Variants in SMAD1 observed in about 807,000 individuals in gnomAD.
SMAD1 encodes the protein SMAD family member 1.
SMAD1 carries 6 observed loss-of-function variants against 41.6 expected under a neutral mutation model. The ratio of observed to expected loss-of-function variants is 0.14; its 90% CI spans 0.08 to 0.28. SMAD1 has a LOEUF of 0.28. SMAD1 is among the 10% of genes least tolerant of loss of function. The pLI is 1.00. For missense variants in SMAD1, 379 were observed against 582.6 expected (o/e 0.65, Z 3.60); for synonymous variants, 206 against 203.2 (o/e 1.01, Z -0.12).
At chr4:145,501,964 G>A (rs990878476) in intron 1 of SMAD1, among the ~76,000 whole-genome samples, 14 of 152,194 alleles carry the variant, frequency 9.2e-5, no homozygotes, top group Middle Eastern at 3.4e-3. Flanking sequence ...AAACAATTTC[G>A]TTTATTAGCT....
At chr4:145,548,350 T>A (rs941028582) in intron 5 of SMAD1, among the ~76,000 whole-genome samples, 9 of 152,072 alleles carry the variant, frequency 5.9e-5, no homozygotes, top group Admixed American at 1.3e-4. Context: ...TGCCTCAGCC[T>A]CCTCAGTAGC....
chr4:145,509,631 C>T (rs1560735590), intron 1 of SMAD1, among the ~76,000 whole-genome samples: 1 of 152,078 alleles, frequency 6.6e-6, no homozygotes, highest in Non-Finnish European at 1.5e-5. Flanking sequence ...GAAATACACT[C>T]CCTCTATAAA....
chr4:145,541,048 G>A (rs866548972), intron 3 of SMAD1, among the ~76,000 whole-genome samples: 11 of 152,058 alleles, frequency 7.2e-5, no homozygotes, highest in African/African-American at 2.7e-4. Context: ...TTGGGATGAG[G>A]GTTGGGAGAC....
At chr4:145,554,414 G>GT (rs1188501317) in intron 6 of SMAD1, among the ~76,000 whole-genome samples, 6 of 151,672 alleles carry the variant, frequency 4.0e-5, no homozygotes, top group South Asian at 2.1e-4. Context: ...TTCATTCTTT[G>GT]TTTTTTGTAC....
chr4:145,498,221 A>T (rs1376166593), intron 1 of SMAD1, among the ~76,000 whole-genome samples: 1 of 152,148 alleles, frequency 6.6e-6, no homozygotes, highest in East Asian at 1.9e-4. Flanking sequence ...TGGGAGGGAA[A>T]CTTACTTTTT....
intron 4 of SMAD1, 37 bp downstream of exon 4, chr4:145,542,735 C>A: frequency 7.3e-7 from 1 of 1,367,724 alleles, no homozygotes; most frequent in South Asian, 1.2e-5. Context: ...TTTTTAGAGT[C>A]TAAAGTTTGT....
intron 2 of SMAD1, among the ~76,000 whole-genome samples, chr4:145,532,632 G>C (rs564008521): frequency 6.6e-6 from 1 of 152,332 alleles, no homozygotes; most frequent in East Asian, 1.9e-4. Flanking sequence ...AATAGGAGCA[G>C]CCCTTAAAGA....
rs1578772398 is a variant in SMAD1 at position 145,514,360 on chromosome 4, A to G, written c.-176-78A>G. The G allele has an allele frequency of 7.2e-6, 3 of 415,084 alleles. No homozygotes were observed. The highest frequency in any genetic ancestry group is 1.3e-5 in the Non-Finnish European group (3 of 235,354). The allele number at this position is 415,084 out of a possible 1,614,324, so 25.7% of individuals were successfully genotyped here. A position where few individuals can be genotyped will look rare whatever the true frequency, so the allele number is the denominator to read the frequency against. Reference sequence around the variant, plus strand: ...ATTACATAAAAGCACTTAAAATAGTACCTAGCACATGGTGATTACTTAATA... The same window carrying G: ...ATTACATAAAAGCACTTAAAATAGTGCCTAGCACATGGTGATTACTTAATA... On this transcript the variant is annotated intron_variant, in intron 1 of 6. Transcript: ENST00000302085. The surrounding 1 kb of genome is among the most constrained non-coding windows in gnomAD (Gnocchi z 4.7).
chr4:145,486,252 A>G (rs1238252732), intron 1 of SMAD1, among the ~76,000 whole-genome samples: 1 of 152,228 alleles, frequency 6.6e-6, no homozygotes, highest in Non-Finnish European at 1.5e-5. Context: ...TCTGGCATGA[A>G]AATAATGCAT....
chr4:145,513,952 C>T (rs772211596), intron 1 of SMAD1, among the ~76,000 whole-genome samples: 10 of 152,164 alleles, frequency 6.6e-5, no homozygotes, highest in Non-Finnish European at 1.5e-4. Flanking sequence ...GCATTAAATG[C>T]TATATATTAG....
intron 2 of SMAD1, among the ~76,000 whole-genome samples, chr4:145,531,044 G>C (rs1404648775): frequency 6.6e-6 from 1 of 152,146 alleles, no homozygotes; most frequent in Non-Finnish European, 1.5e-5. Context: ...GGCATATATG[G>C]TACCCAGTGA....
rs142582428 is a variant in SMAD1 at position 145,537,875 on chromosome 4, G to C, written c.401-1929G>C. 3.2e-4 allele frequency among the ~76,000 whole-genome samples: 49 copies of C among 152,292 alleles called. 1 individual carries two copies. In the East Asian group the frequency reaches 6.7e-3, roughly 21 times the overall value. On this transcript the variant is annotated intron_variant, in intron 2 of 6. Transcript: ENST00000302085. ...TGCTAAAACAGATGCTCCACTAAGTGTTAGGCTGGTGCAAAGTTGCTGCAG... is the reference window on the plus strand; with the variant it reads ...TGCTAAAACAGATGCTCCACTAAGTCTTAGGCTGGTGCAAAGTTGCTGCAG...
chr4:145,550,916 G>A (rs1463033131), intron 5 of SMAD1, among the ~76,000 whole-genome samples: 1 of 152,060 alleles, frequency 6.6e-6, no homozygotes, highest in East Asian at 1.9e-4. Context: ...TTAAAGGGAA[G>A]GCTTAATATT....
At chr4:145,505,929 C>G (rs1225846100) in intron 1 of SMAD1, among the ~76,000 whole-genome samples, 2 of 152,034 alleles carry the variant, frequency 1.3e-5, no homozygotes, top group African/African-American at 4.8e-5. Context: ...ACTGCAACCT[C>G]CACCTCCCTG....
chr4:145,517,803 C>T (rs1730512818), intron 2 of SMAD1, among the ~76,000 whole-genome samples: 1 of 125,218 alleles, frequency 8.0e-6, no homozygotes, highest in African/African-American at 2.5e-5. Flanking sequence ...CTCTTAATAA[C>T]ATATGTGCTA....
chr4:145,524,196 T>A (rs571615755), intron 2 of SMAD1, among the ~76,000 whole-genome samples: 1 of 152,368 alleles, frequency 6.6e-6, no homozygotes, highest in Non-Finnish European at 1.5e-5. Flanking sequence ...GTTGATAATT[T>A]TATTATTTTC....
At chr4:145,527,310 G>A (rs1291316238) in intron 2 of SMAD1, among the ~76,000 whole-genome samples, 2 of 150,178 alleles carry the variant, frequency 1.3e-5, no homozygotes, top group East Asian at 4.0e-4. Flanking sequence ...TGCGAGCTCC[G>A]CCTCCCGGGT....
chr4:145,541,605 C>T (rs556381548), intron 3 of SMAD1, among the ~76,000 whole-genome samples: 1 of 152,328 alleles, frequency 6.6e-6, no homozygotes, highest in African/African-American at 2.4e-5. Context: ...TTGTTAGCAG[C>T]TGGATGTGAA....
At chr4:145,534,768 G>A (rs756532827) in intron 2 of SMAD1, among the ~76,000 whole-genome samples, 1 of 152,126 alleles carries the variant, frequency 6.6e-6, no homozygotes, top group Non-Finnish European at 1.5e-5. Context: ...ACTCCAAAGG[G>A]ATCACAGAGC....
Sources: gnomAD v4.1 joint callset for allele counts (sites outside exome capture counted in the v4.1 genomes callset) on GRCh38, gnomAD v4.1.1 for gene constraint, Gnocchi (gnomAD v3.1) non-coding constraint, MANE v1.5 for transcripts, NCBI Gene and HGNC (gene_info 2026-07-23, HGNC 2026-07-21) for gene names.